Variants in CARD9 observed in about 807,000 individuals in gnomAD.
CARD9 encodes the protein caspase recruitment domain-containing protein 9.
In CARD9, 53 loss-of-function variants were observed where a neutral mutation model predicts 66.0. The observed-to-expected ratio is 0.80, with a 90% CI of 0.64 to 1.01. The LOEUF (loss-of-function observed/expected upper bound fraction) is 1.01. Ranked by LOEUF, CARD9 falls within the 50% of genes least tolerant of loss-of-function variation. The probability of loss-of-function intolerance (pLI) is 0.00; values close to 1 mark genes in which losing one functional copy is unlikely to be tolerated. For missense variants in CARD9, 769 were observed against 743.2 expected (o/e 1.03, Z -0.40); for synonymous variants, 387 against 313.8 (o/e 1.23, Z -2.47).
At chr9:136,371,740 G>A (rs1429480884) in intron 2 of CARD9, among the ~76,000 whole-genome samples, 155 bp downstream of exon 2, 1 of 152,228 alleles carries the variant, frequency 6.6e-6, no homozygotes, top group African/African-American at 2.4e-5. Context: ...GACGGGCCAC[G>A]TGCCAGGGTT....
chr9:136,372,183 G>A (rs767891288), intron 1 of CARD9, 89 bp from the exon 2 acceptor site: 13 of 1,542,078 alleles, frequency 8.4e-6, no homozygotes, highest in Non-Finnish European at 1.1e-5. Context: ...GCTGGGCCAG[G>A]GCTCTCGTCA....
chr9:136,365,072 G>A lies in CARD9; in HGVS notation c.1434+69C>T, dbSNP rs573509472. On this transcript the variant is annotated intron_variant, in intron 11 of 12. Coordinates refer to ENST00000371732, the MANE Select transcript of CARD9 (RefSeq NM_052813.5). ...CCGCAGGGGGTGCCCAGGGCAGGGA[G>A]CCACTCTCCCTGTGATCGGTCACCC... The A allele has an allele frequency of 1.9e-5, 28 of 1,497,278 alleles. No homozygotes were observed. In the East Asian group the frequency reaches 6.1e-4, roughly 33 times the overall value. 92.7% of individuals were successfully genotyped at this position (1,497,278 alleles called of 1,614,324 possible).
chr9:136,364,406 G>T lies in CARD9; in HGVS notation c.1512-5C>A. The stretch of plus-strand genomic sequence containing the variant: ...ATCTTCCTGAGGGCGCGCTTCCTGT[G>T]AAGACAGGTGTCTCAGGCGCGACCC... On this transcript the variant is annotated splice_region_variant and splice_polypyrimidine_tract_variant and intron_variant, in intron 12 of 12. Transcript: ENST00000371732. 6.5e-7 allele frequency: 1 copy of T among 1,549,330 alleles called. No homozygotes were observed.
At position 136,371,142 on chromosome 9, in the gene CARD9, G is replaced by A. The variant is rs760681802; in HGVS notation, c.326C>T (p.Ala109Val). The stretch of plus-strand genomic sequence containing the variant: ...CTGAGTCAGGCCTGACTCCCCGGAC[G>A]CGTCTGTGGGCCAGGCCAGTGTCAG... Reference protein sequence around the residue: ...PARVFSMIIDASGESGLTQLL... With the variant: ...PARVFSMIIDVSGESGLTQLL... Residue 109 changes from alanine to valine, a missense_variant, in exon 4 of 13, where the codon GCG becomes GTG. Transcript: ENST00000371732. The A allele has an allele frequency of 1.1e-5, 17 of 1,612,090 alleles. No individual in the cohort carries two copies. The highest frequency in any genetic ancestry group is 1.6e-4 in the Middle Eastern group (1 of 6,084).
chr9:136,373,082 T>G (rs1833313735), intron 1 of CARD9, among the ~76,000 whole-genome samples: 1 of 152,226 alleles, frequency 6.6e-6, no homozygotes, highest in African/African-American at 2.4e-5. Context: ...AGCAGCCACG[T>G]GGTCCTCAGA....
At position 136,371,077 on chromosome 9, in the gene CARD9, G is replaced by T; in HGVS notation, c.391C>A (p.Gln131Lys). 1 of 1,612,726 alleles carries T rather than the reference G, an allele frequency of 6.2e-7. No homozygotes were observed. The highest frequency in any genetic ancestry group is 8.5e-7 in the Non-Finnish European group (1 of 1,179,952). ...GAGCTCAGCAGCGCGGTCAGGTCCT[G>T]CACCTTCTTCTGCAGCTTCATGACC... Reference protein sequence around the residue: ...TEVMKLQKKVQDLTALLSSKD... With the variant: ...TEVMKLQKKVKDLTALLSSKD... The change falls in exon 4 of 13, where the codon CAG becomes AAG. Residue 131 changes from glutamine (Q) to lysine (K), a missense_variant. Physicochemically the swap from Gln to Lys is moderately conservative, Grantham distance 53 (BLOSUM62 1). Coordinates refer to ENST00000371732, the MANE Select transcript of CARD9 (RefSeq NM_052813.5).
chr9:136,364,462 G>A (rs1282110521), intron 12 of CARD9, 21 bp downstream of exon 12: 2 of 1,540,540 alleles, frequency 1.3e-6, no homozygotes, highest in Non-Finnish European at 1.7e-6. Context: ...TTTTGGAGAA[G>A]CCTGGGGGCC....
intron 11 of CARD9, 32 bp from the exon 12 acceptor site, chr9:136,364,591 G>T: frequency 1.3e-6 from 2 of 1,531,528 alleles, no homozygotes; most frequent in Middle Eastern, 2.3e-4. Flanking sequence ...GGCTCCGGCC[G>T]GCTCCCCTGA....
In CARD9 at chr9:136,370,667, T is replaced by C. The variant is rs1472007566; in HGVS notation, c.662A>G (p.Glu221Gly). ...DQLKHSLMKA[E>G]DDCKVERKHT... is the part of the protein sequence containing the mutation. ...CTTGCGCTCCACCTTGCAGTCGTCC[T>C]CGGCCTTCATGAGGCTGTGCTTGAG... Residue 221 changes from glutamate (E) to glycine (G), a missense_variant, in exon 5 of 13, where the codon GAG becomes GGG. By Grantham distance (98) the Glu-to-Gly change is moderately conservative. Transcript: ENST00000371732. 1 of 1,612,664 alleles carries C rather than the reference T, an allele frequency of 6.2e-7. No individual in the cohort carries two copies. The highest frequency in any genetic ancestry group is 1.3e-5 in the African/African-American group (1 of 74,940).
In CARD9 at chr9:136,369,791, T is replaced by C; in HGVS notation, c.1036A>G (p.Ile346Val). 1 of 1,611,716 alleles carries C rather than the reference T, an allele frequency of 6.2e-7. No individual in the cohort carries two copies. Among genetic ancestry groups the C allele is most frequent in the Non-Finnish European group, 8.5e-7 (1 of 1,179,596 alleles). Residue 346 changes from isoleucine to valine, a missense_variant, in exon 7 of 13, where the codon ATC (isoleucine) becomes GTC (valine). Physicochemically the swap from Ile to Val is conservative, Grantham distance 29. Coordinates refer to ENST00000371732, the MANE Select transcript of CARD9 (RefSeq NM_052813.5). ...GCGACCTCCTCCATCTGCAGCAGGA[T>C]GGCCTCGATGCGGTCCTTGTACATC... ...SKMYKDRIEA[I>V]LLQMEEVAIE... is the part of the protein sequence containing the mutation.
chr9:136,367,992 C>T lies in CARD9; in HGVS notation c.1078-164G>A, dbSNP rs145421441. On this transcript the variant is annotated intron_variant, in intron 7 of 12. Transcript: ENST00000371732. ...TTTGTGTGCTCTGCGGACACGAAGT[C>T]AGCACGTGGGGGATTGTAAATGTGA... is the stretch of plus-strand genomic sequence containing the variant. 84 of 1,425,476 alleles carry T rather than the reference C, an allele frequency of 5.9e-5. No homozygotes were observed. The African/African-American group carries it at 8.6e-4, about 15-fold the overall frequency. 88.3% of individuals were successfully genotyped at this position (1,425,476 alleles called of 1,614,324 possible). A position where few individuals can be genotyped will look rare whatever the true frequency, so the allele number is the denominator to read the frequency against.
intron 10 of CARD9, chr9:136,365,702 C>T (rs1039586105): frequency 3.9e-5 from 7 of 178,414 alleles, no homozygotes; most frequent in African/African-American, 7.1e-5. Context: ...CAGAAACCGC[C>T]AGGACCTGGG....
In CARD9 at chr9:136,367,826, G is replaced by T. The variant is rs200523846; in HGVS notation, c.1080C>A (p.Ala360=). 7 of 1,598,694 alleles carry T rather than the reference G, an allele frequency of 4.4e-6. No homozygotes were observed. Among genetic ancestry groups the T allele is most frequent in the Non-Finnish European group, 5.9e-6 (7 of 1,177,808 alleles). Residue 360 remains alanine (A), a splice_region_variant and synonymous_variant, in exon 8 of 13, where the codon GCC becomes GCA. Transcript: ENST00000371732. ...MEEVAIERDQ[A]IATREELHAQ... Reference sequence around the variant, plus strand: ...CGTGCAGCTCCTCCCGCGTGGCTATGGCCTGACGGGACAGCACAAGGCCGA... The same window carrying T: ...CGTGCAGCTCCTCCCGCGTGGCTATTGCCTGACGGGACAGCACAAGGCCGA...
rs753050033 is a variant in CARD9 at position 136,370,424 on chromosome 9, T to TC, written c.820dup (p.Asp274GlyfsTer61). 21 of 1,610,952 alleles carry TC rather than the reference T, an allele frequency of 1.3e-5. No homozygotes were observed. In the East Asian group the frequency reaches 4.7e-4, roughly 36 times the overall value. On this transcript the variant is annotated frameshift_variant, in exon 6 of 13. Coordinates refer to ENST00000371732, the MANE Select transcript of CARD9 (RefSeq NM_052813.5). LOFTEE classifies it high-confidence loss of function. ...TACCTGGATGTAGGGGCTGCTCCTG[T>TC]CCAGCTTCCCCTCCTGAAGGGGGCA...
chr9:136,364,548 C>G lies in CARD9; in HGVS notation c.1446G>C (p.Leu482=), dbSNP rs1833070000. ...CCTTCTCGGGCGGCTCCCCGCTGCT[C>G]AGGCCTGCGTCCTGGAGAAGGGGGA... ...QVLRNPHDAG[L]SSGEPPEKER... The change falls in exon 12 of 13, where the codon CTG becomes CTC. Residue 482 remains leucine (L), a synonymous_variant. Transcript: ENST00000371732. The G allele has an allele frequency of 1.9e-6, 3 of 1,538,790 alleles. No individual in the cohort carries two copies. The highest frequency in any genetic ancestry group is 1.2e-5 in the South Asian group (1 of 83,968).
Position 136,371,940 on chromosome 9 carries a change from G to C in CARD9, c.139C>G (p.Gln47Glu). ...ACCAGGTTGGGGTCGCTGAGCACCTGCTCCTCATCATCGGGGTTCAGGACC... is the reference window on the plus strand; with the variant it reads ...ACCAGGTTGGGGTCGCTGAGCACCTCCTCCTCATCATCGGGGTTCAGGACC... ...CKVLNPDDEE[Q>E]VLSDPNLVIR... Residue 47 changes from glutamine to glutamate, a missense_variant, in exon 2 of 13, where the codon CAG (glutamine) becomes GAG (glutamate). Physicochemically the swap from Gln to Glu is conservative, Grantham distance 29. Transcript: ENST00000371732. 6.2e-7 allele frequency: 1 copy of C among 1,609,516 alleles called. No individual in the cohort carries two copies. The highest frequency in any genetic ancestry group is 1.1e-5 in the South Asian group (1 of 91,026).
intron 7 of CARD9, 38 bp from the exon 8 acceptor site, chr9:136,367,866 C>A: frequency 6.4e-7 from 1 of 1,570,588 alleles, no homozygotes; most frequent in Non-Finnish European, 8.6e-7. Context: ...CAGTGAGGGC[C>A]CCAAGCTTGC....
chr9:136,365,607 C>A, intron 10 of CARD9: 1 of 252,004 alleles, frequency 4.0e-6, no homozygotes, highest in Non-Finnish European at 7.8e-6. Context: ...TTGGGGACAG[C>A]TACAGTGGCT....
In CARD9 at chr9:136,364,348, C is replaced by T. The variant is rs745730969; in HGVS notation, c.1565G>A (p.Arg522Gln). The T allele has an allele frequency of 7.0e-6, 11 of 1,569,370 alleles. No homozygotes were observed. In the East Asian group the frequency reaches 2.1e-4, roughly 30 times the overall value. ...GTTGTCGCTGCCCGTGGTGTTCTCC[C>T]GGTCCTCCTCCCCCTGCCGCCATCC... ...QKGWRQGEED[R>Q]ENTTGSDNTD... Residue 522 changes from arginine to glutamine, a missense_variant, in exon 13 of 13, where the codon CGG (arginine) becomes CAG (glutamine). By Grantham distance (43) the Arg-to-Gln change is conservative (BLOSUM62 1). Coordinates refer to ENST00000371732, the MANE Select transcript of CARD9 (RefSeq NM_052813.5).
Sources: gnomAD v4.1 joint callset for allele counts (sites outside exome capture counted in the v4.1 genomes callset) on GRCh38, gnomAD v4.1.1 for gene constraint, MANE v1.5 for transcripts, NCBI Gene and HGNC (gene_info 2026-07-23, HGNC 2026-07-21) for gene names.